The following ZNF385D variants were observed in gnomAD, a reference collection of about 807,000 sequenced individuals.
The protein encoded by ZNF385D is zinc finger protein 385D.
ZNF385D carries 15 observed loss-of-function variants against 35.8 expected under a neutral mutation model. The ratio of observed to expected loss-of-function variants is 0.42; its 90% CI spans 0.28 to 0.64. The LOEUF (loss-of-function observed/expected upper bound fraction) is 0.64, where lower values mean the gene tolerates loss of function less well. Among genes scored for constraint, ZNF385D ranks in the 30% least tolerant of loss-of-function variants. The pLI is 0.23. For synonymous variants in ZNF385D, 212 were observed against 186.8 expected, an observed-to-expected ratio of 1.13 and a Z score of -1.10; for missense variants, 474 against 494.6, an observed-to-expected ratio of 0.96 and a Z score of 0.39.
chr3:21,765,014 T>C (rs1176417428), intron 3 of ZNF385D, among the ~76,000 whole-genome samples: 6 of 152,190 alleles, frequency 3.9e-5, no homozygotes, highest in Non-Finnish European at 1.5e-5. Context: ...CATAGCTGTC[T>C]CAAGTAAATA....
chr3:21,956,302 G>T (rs1258617996), intron 3 of ZNF385D, among the ~76,000 whole-genome samples: 1 of 152,008 alleles, frequency 6.6e-6, no homozygotes, highest in Non-Finnish European at 1.5e-5. Flanking sequence ...CCAGATCATT[G>T]TCCCCACCTG....
chr3:22,023,831 G>T (rs1472133045), intron 3 of ZNF385D, among the ~76,000 whole-genome samples: 4 of 151,998 alleles, frequency 2.6e-5, no homozygotes, highest in Non-Finnish European at 5.9e-5. Context: ...CCCTGTACCT[G>T]GTACAGGGCT....
intron 3 of ZNF385D, among the ~76,000 whole-genome samples, chr3:21,846,597 C>G (rs1432225371): frequency 2.6e-5 from 4 of 151,900 alleles, no homozygotes; most frequent in African/African-American, 9.7e-5. Flanking sequence ...TGACATGTTG[C>G]TGAAAAGAAG....
chr3:21,623,725 A>G (rs915239690), intron 2 of ZNF385D, among the ~76,000 whole-genome samples: 1 of 152,058 alleles, frequency 6.6e-6, no homozygotes. Context: ...TTAAAATATC[A>G]CTACAGTATA....
chr3:21,707,961 C>T (rs1167820259), intron 1 of ZNF385D, among the ~76,000 whole-genome samples: 2 of 152,132 alleles, frequency 1.3e-5, no homozygotes, highest in Non-Finnish European at 2.9e-5. Flanking sequence ...TGGGAACAGA[C>T]AGCTGGATGT....
rs1490984736 is a variant in ZNF385D, at chr3:21,465,024, C to A, written c.440-27821G>T. On this transcript the variant is annotated intron_variant, in intron 4 of 7. Coordinates refer to ENST00000281523, the MANE Select transcript of ZNF385D (RefSeq NM_024697.3). The surrounding 1 kb of genome is among the most constrained non-coding windows in gnomAD (Gnocchi z 4.2). ...CTACAAAATAAGAAGCTATAAATTT[C>A]TTTCTCATTAAATACTTTGTCATTT... 6.6e-6 allele frequency among the ~76,000 whole-genome samples: 1 copy of A among 152,142 alleles called. No individual in the cohort carries two copies. Among genetic ancestry groups the A allele is most frequent in the Non-Finnish European group, 1.5e-5 (1 of 68,014 alleles).
chr3:22,147,438 T>C (rs1704933276), intron 3 of ZNF385D, among the ~76,000 whole-genome samples: 1 of 152,142 alleles, frequency 6.6e-6, no homozygotes, highest in South Asian at 2.1e-4. Context: ...TTTTGCTGTA[T>C]TAACTGGGAA....
At chr3:21,821,846 G>C (rs1460818449) in intron 3 of ZNF385D, among the ~76,000 whole-genome samples, 2 of 151,370 alleles carry the variant, frequency 1.3e-5, no homozygotes, top group African/African-American at 2.4e-5. Flanking sequence ...CCTGCCTGCA[G>C]TCCCAGGTAC....
chr3:22,234,866 C>G (rs1472159170), intron 2 of ZNF385D, among the ~76,000 whole-genome samples: 1 of 151,984 alleles, frequency 6.6e-6, no homozygotes, highest in Admixed American at 6.6e-5. Context: ...ATTTCATCAA[C>G]TATCCTGCAT....
At chr3:22,308,267 G>C (rs1473518857) in intron 2 of ZNF385D, among the ~76,000 whole-genome samples, 1 of 151,956 alleles carries the variant, frequency 6.6e-6, no homozygotes, top group East Asian at 1.9e-4. Flanking sequence ...CATCTGAGCG[G>C]AATTTTATAT....
chr3:21,699,680 G>A (rs1473216924), intron 1 of ZNF385D, among the ~76,000 whole-genome samples: 3 of 151,732 alleles, frequency 2.0e-5, no homozygotes, highest in Non-Finnish European at 4.4e-5. Context: ...TGATAATGTT[G>A]AAATAATACT....
chr3:21,524,004 A>C (rs995273252), intron 3 of ZNF385D, among the ~76,000 whole-genome samples: 1 of 152,218 alleles, frequency 6.6e-6, no homozygotes, highest in Non-Finnish European at 1.5e-5. Flanking sequence ...AAAAATTTTC[A>C]GAATTGATGA....
At chr3:21,579,792 T>C (rs543193594) in intron 2 of ZNF385D, 1 of 152,284 alleles carries the variant, frequency 6.6e-6, no homozygotes, top group East Asian at 1.9e-4. Context: ...TCTGGTGCCC[T>C]TTGTCTCATA....
At chr3:22,263,829 C>T (rs555738849) in intron 2 of ZNF385D, among the ~76,000 whole-genome samples, 2 of 152,022 alleles carry the variant, frequency 1.3e-5, no homozygotes, top group African/African-American at 2.4e-5. Flanking sequence ...GTGGGTATTA[C>T]TAGGTTGCTG....
At chr3:21,917,620 A>T (rs1196382985) in intron 3 of ZNF385D, among the ~76,000 whole-genome samples, 2 of 152,230 alleles carry the variant, frequency 1.3e-5, no homozygotes, top group Non-Finnish European at 2.9e-5. Flanking sequence ...ATAAACTCTC[A>T]GCTTTCTGCT....
chr3:21,880,742 A>G (rs552076422), intron 3 of ZNF385D, among the ~76,000 whole-genome samples: 1 of 152,158 alleles, frequency 6.6e-6, no homozygotes, highest in African/African-American at 2.4e-5. Flanking sequence ...ACAGACTGAA[A>G]GTAGGTCTCT....
chr3:22,237,639 A>G lies in ZNF385D; in HGVS notation c.107-68604T>C, dbSNP rs77152583. 6.5e-3 allele frequency among the ~76,000 whole-genome samples: 989 copies of G among 151,930 alleles called. 11 individuals carry two copies. Among genetic ancestry groups the G allele is most frequent in the African/African-American group, 0.023 (943 of 41,486 alleles). On this transcript the variant is annotated intron_variant, in intron 2 of 5. Coordinates refer to the ZNF385D transcript ENST00000494108. ...TAAGATTTGTATACTTTTTGCTCTT[A>G]AATTTAGACCTTATTTTATTTTGAG...
At chr3:22,049,993 A>G (rs1461618662) in intron 3 of ZNF385D, among the ~76,000 whole-genome samples, 1 of 152,164 alleles carries the variant, frequency 6.6e-6, no homozygotes, top group Admixed American at 6.5e-5. Context: ...CTTTGGTATC[A>G]GGATAATGCT....
At chr3:21,430,094 T>A (rs1559440377) in intron 5 of ZNF385D, among the ~76,000 whole-genome samples, 2 of 152,110 alleles carry the variant, frequency 1.3e-5, no homozygotes, top group Non-Finnish European at 2.9e-5. Context: ...GTTAACCTTT[T>A]ATTATGTTGA....
Sources: gnomAD v4.1 joint callset for allele counts (sites outside exome capture counted in the v4.1 genomes callset) on GRCh38, gnomAD v4.1.1 for gene constraint, Gnocchi (gnomAD v3.1) non-coding constraint, MANE v1.5 for transcripts, NCBI Gene and HGNC (gene_info 2026-07-23, HGNC 2026-07-21) for gene names.